The following SORCS1 variants were observed in gnomAD, a reference collection of about 807,000 sequenced individuals.
SORCS1 encodes the protein VPS10 domain-containing receptor SorCS1.
SORCS1 carries 60 observed loss-of-function variants against 146.1 expected under a neutral mutation model. The observed-to-expected ratio is 0.41, with a 90% CI of 0.33 to 0.51. The LOEUF (loss-of-function observed/expected upper bound fraction) is 0.51, where lower values mean the gene tolerates loss of function less well. Ranked by LOEUF, SORCS1 falls within the 20% of genes least tolerant of loss-of-function variation. The probability of loss-of-function intolerance (pLI) is 0.21; values close to 1 mark genes in which losing one functional copy is unlikely to be tolerated. For synonymous variants in SORCS1, 637 were observed against 584.0 expected (o/e 1.09, Z -1.31); for missense variants, 1,352 against 1,487.6 (o/e 0.91, Z 1.50).
chr10:106,797,660 C>G (rs1342697449), intron 3 of SORCS1, among the ~76,000 whole-genome samples: 1 of 152,114 alleles, frequency 6.6e-6, no homozygotes, highest in Non-Finnish European at 1.5e-5. Flanking sequence ...GGTAAAACAT[C>G]AATCTGAATA....
intron 6 of SORCS1, among the ~76,000 whole-genome samples, chr10:106,729,411 C>G (rs558347009): frequency 2.6e-5 from 4 of 151,664 alleles, no homozygotes; most frequent in Non-Finnish European, 5.9e-5. Context: ...TGCTGCCTCT[C>G]ATGGGGACAC....
intron 6 of SORCS1, among the ~76,000 whole-genome samples, chr10:106,716,827 T>C (rs1027091363): frequency 2.0e-5 from 3 of 152,140 alleles, no homozygotes; most frequent in African/African-American, 7.2e-5. Context: ...CATGTTTTTT[T>C]CTCTCTTAAA....
At position 107,070,036 on chromosome 10, in the gene SORCS1, G is replaced by A. The variant is rs76635104; in HGVS notation, c.558+93933C>T. Among the ~76,000 whole-genome samples the A allele has an allele frequency of 2.7e-3, 412 of 152,274 alleles. 5 individuals are homozygous for A. The highest frequency in any genetic ancestry group is 9.5e-3 in the African/African-American group (393 of 41,556). ...CTACTTTCTGTCTGTATTCTTTGTG[G>A]AAGTGTCTACTCAGAATATTTCATA... On this transcript the variant is annotated intron_variant, in intron 1 of 25. Transcript: ENST00000263054.
chr10:106,629,126 T>C (rs1848278429), intron 19 of SORCS1, 76 bp downstream of exon 19: 5 of 1,324,060 alleles, frequency 3.8e-6, no homozygotes, highest in South Asian at 1.4e-5. Flanking sequence ...TTCTTCTAGA[T>C]ATAAAATTGT....
At chr10:106,869,928 T>C (rs955657408) in intron 2 of SORCS1, among the ~76,000 whole-genome samples, 9 of 152,292 alleles carry the variant, frequency 5.9e-5, no homozygotes, top group African/African-American at 2.2e-4. Flanking sequence ...GACATGATTC[T>C]ATACGTAGAA....
intron 7 of SORCS1, among the ~76,000 whole-genome samples, chr10:106,708,945 T>A (rs112570214): frequency 6.1e-4 from 93 of 152,260 alleles, no homozygotes; most frequent in African/African-American, 2.1e-3. Flanking sequence ...CTAGAGACAA[T>A]CTCACTACTC....
At chr10:106,782,937 C>G (rs985530875) in intron 3 of SORCS1, among the ~76,000 whole-genome samples, 1 of 152,168 alleles carries the variant, frequency 6.6e-6, no homozygotes, top group Admixed American at 6.5e-5. Context: ...TGAATGTGTA[C>G]TTTTCCTCAC....
intron 5 of SORCS1, among the ~76,000 whole-genome samples, chr10:106,750,056 T>G (rs1858036000): frequency 6.6e-6 from 1 of 152,170 alleles, no homozygotes; most frequent in African/African-American, 2.4e-5. Context: ...TACAAAGACG[T>G]GAAGCAAACT....
chr10:106,895,696 C>T (rs142549896), intron 2 of SORCS1, among the ~76,000 whole-genome samples: 230 of 152,222 alleles, frequency 1.5e-3, no homozygotes, highest in Non-Finnish European at 2.4e-3. Context: ...GACTACAAAA[C>T]GGTACAACCA....
chr10:106,692,489 T>C (rs2135682723), intron 9 of SORCS1, among the ~76,000 whole-genome samples: 1 of 152,310 alleles, frequency 6.6e-6, no homozygotes, highest in East Asian at 1.9e-4. Context: ...TGACTACTAA[T>C]GGTTGTGGAG....
At chr10:107,040,718 T>C (rs570399921) in intron 1 of SORCS1, among the ~76,000 whole-genome samples, 31 of 152,306 alleles carry the variant, frequency 2.0e-4, no homozygotes, top group African/African-American at 7.5e-4. Flanking sequence ...AGATGATGTA[T>C]ACTGAACACT....
At chr10:106,842,285 G>C (rs966650586) in intron 2 of SORCS1, among the ~76,000 whole-genome samples, 9 of 152,154 alleles carry the variant, frequency 5.9e-5, no homozygotes, top group Non-Finnish European at 1.0e-4. Context: ...CCCAGGTGGA[G>C]TGCAATGGCA....
chr10:107,012,586 C>T (rs1433967792), intron 1 of SORCS1, among the ~76,000 whole-genome samples: 4 of 152,262 alleles, frequency 2.6e-5, no homozygotes, highest in South Asian at 4.1e-4. Context: ...GGTTAAGGAA[C>T]CTGCACAGAG....
intron 2 of SORCS1, among the ~76,000 whole-genome samples, chr10:106,852,564 T>A (rs1242571110): frequency 1.3e-5 from 2 of 148,794 alleles, no homozygotes; most frequent in Non-Finnish European, 3.0e-5. Flanking sequence ...GGAGGTGGAG[T>A]TTGTAGTGAG....
At chr10:106,956,689 T>C (rs200206959) in intron 1 of SORCS1, 109 bp from the exon 2 acceptor site, 12 of 871,480 alleles carry the variant, frequency 1.4e-5, no homozygotes, top group East Asian at 1.0e-4. Context: ...CTTAACATAA[T>C]TGAATGAATT....
chr10:106,952,561 A>ATTATT (rs1475013969), intron 2 of SORCS1, among the ~76,000 whole-genome samples: 1 of 147,714 alleles, frequency 6.8e-6, no homozygotes, highest in Non-Finnish European at 1.5e-5. Context: ...ATTATATTAT[A>ATTATT]TTATATTATA....
At chr10:106,644,910 A>G (rs1179354927) in intron 18 of SORCS1, among the ~76,000 whole-genome samples, 1 of 152,178 alleles carries the variant, frequency 6.6e-6, no homozygotes, top group Non-Finnish European at 1.5e-5. Context: ...GGCTCTTACG[A>G]ATACTTTTGC....
At chr10:107,124,865 T>C (rs1324469117) in intron 1 of SORCS1, among the ~76,000 whole-genome samples, 1 of 152,130 alleles carries the variant, frequency 6.6e-6, no homozygotes, top group African/African-American at 2.4e-5. Flanking sequence ...TGTCAGCCTT[T>C]TGGTCAGCAA....
chr10:107,042,363 A>C (rs898127098), intron 1 of SORCS1, among the ~76,000 whole-genome samples: 10 of 152,224 alleles, frequency 6.6e-5, no homozygotes, highest in Non-Finnish European at 5.9e-5. Context: ...CAGAATTCTC[A>C]AAGAGACTCA....
Sources: allele counts gnomAD v4.1 joint callset (sites outside exome capture counted in the v4.1 genomes callset), GRCh38; gene constraint gnomAD v4.1.1; transcripts MANE v1.5; gene names NCBI Gene and HGNC (gene_info 2026-07-23, HGNC 2026-07-21).